The following EFL1 variants were observed in gnomAD, a reference collection of about 807,000 sequenced individuals.
EFL1 encodes the protein elongation factor-like GTPase 1.
In EFL1, 76 loss-of-function variants were observed where a neutral mutation model predicts 126.7. That is an observed-to-expected ratio of 0.60 (90% CI 0.50 to 0.73). EFL1 has a LOEUF of 0.73. Among genes scored for constraint, EFL1 ranks in the 30% least tolerant of loss-of-function variants. The probability of loss-of-function intolerance (pLI) is 0.00; values close to 1 mark genes in which losing one functional copy is unlikely to be tolerated. For synonymous variants in EFL1, 410 were observed against 448.4 expected (o/e 0.91, Z 1.08); for missense variants, 1,128 against 1,343.2 (o/e 0.84, Z 2.50).
intron 12 of EFL1, 78 bp downstream of exon 12, chr15:82,225,087 C>A (rs1000640871): frequency 1.3e-5 from 15 of 1,123,582 alleles, no homozygotes; most frequent in African/African-American, 1.3e-4. Context: ...TCCGTGCCCC[C>A]CCTACCCACA....
intron 7 of EFL1, among the ~76,000 whole-genome samples, chr15:82,237,155 AAAAC>A (rs1285618490): frequency 1.3e-5 from 2 of 152,214 alleles, no homozygotes; most frequent in Non-Finnish European, 2.9e-5. Flanking sequence ...AAAACAAAAC[AAAAC>A]AAACAAAACA....
At chr15:82,215,505 T>C (rs1720960155) in intron 14 of EFL1, 1 of 152,134 alleles carries the variant, frequency 6.6e-6, no homozygotes, top group South Asian at 2.1e-4. Flanking sequence ...TCCCCATACA[T>C]CATATTTATT....
chr15:82,262,248 G>A (rs916899342), intron 1 of EFL1: 1 of 156,622 alleles, frequency 6.4e-6, no homozygotes, highest in Non-Finnish European at 1.4e-5. Flanking sequence ...CCTCGCGCGA[G>A]GTCAAATACC....
At chr15:82,228,372 T>C (rs2074786619) in intron 9 of EFL1, 45 bp from the exon 10 acceptor site, 1 of 1,580,202 alleles carries the variant, frequency 6.3e-7, no homozygotes, top group Non-Finnish European at 8.6e-7. Context: ...CATATGCAGA[T>C]ATAAACAGGC....
chr15:82,219,096 A>T (rs998179278), intron 14 of EFL1, among the ~76,000 whole-genome samples: 1 of 152,172 alleles, frequency 6.6e-6, no homozygotes, highest in African/African-American at 2.4e-5. Context: ...TATAATTATA[A>T]TGTATATATC....
intron 7 of EFL1, among the ~76,000 whole-genome samples, chr15:82,232,610 T>C (rs955591776): frequency 6.6e-6 from 1 of 152,238 alleles, no homozygotes; most frequent in South Asian, 2.1e-4. Flanking sequence ...ATGATCCTTA[T>C]GCCATAATTC....
At chr15:82,188,065 C>G (rs2074320831) in intron 15 of EFL1, among the ~76,000 whole-genome samples, 1 of 152,098 alleles carries the variant, frequency 6.6e-6, no homozygotes, top group African/African-American at 2.4e-5. Context: ...AAATATAACT[C>G]TTTGTCCTGT....
intron 12 of EFL1, among the ~76,000 whole-genome samples, chr15:82,223,856 TC>T (rs2074735777): frequency 6.6e-6 from 1 of 152,178 alleles, no homozygotes; most frequent in Non-Finnish European, 1.5e-5. Flanking sequence ...GACCTGTTAT[TC>T]CCCCATTTGG....
intron 19 of EFL1, among the ~76,000 whole-genome samples, chr15:82,134,021 C>T (rs1010657569): frequency 1.1e-4 from 17 of 152,294 alleles, no homozygotes; most frequent in African/African-American, 3.6e-4. Flanking sequence ...TGCCAGTTCC[C>T]TACTTGCTTA....
chr15:82,241,323 T>C lies in EFL1; in HGVS notation c.325A>G (p.Ile109Val), dbSNP rs768978577. 6 of 1,613,848 alleles carry C rather than the reference T, an allele frequency of 3.7e-6. No homozygotes were observed. The African/African-American group carries it at 6.7e-5, about 18-fold the overall frequency. ...FSSEVSTAVR[I>V]CDGCIIVVDA... is the part of the protein sequence containing the mutation. ...ACCACAATGATGCATCCATCACAAATGCGAACAGCGGTTGATACTTCTGAG... is the reference window on the plus strand; with the variant it reads ...ACCACAATGATGCATCCATCACAAACGCGAACAGCGGTTGATACTTCTGAG... Residue 109 changes from isoleucine (I) to valine (V), a missense_variant, in exon 5 of 20, where the codon ATT (isoleucine) becomes GTT (valine). Ile to Val is a conservative substitution (Grantham distance 29). Coordinates refer to ENST00000268206, the MANE Select transcript of EFL1 (RefSeq NM_024580.6).
intron 7 of EFL1, among the ~76,000 whole-genome samples, chr15:82,233,464 C>A (rs1417050871): frequency 6.6e-6 from 1 of 152,166 alleles, no homozygotes; most frequent in Non-Finnish European, 1.5e-5. Flanking sequence ...TATGAAATTA[C>A]TGAGCCACAC....
At chr15:82,187,625 T>C (rs550128167) in intron 15 of EFL1, among the ~76,000 whole-genome samples, 96 of 152,296 alleles carry the variant, frequency 6.3e-4, no homozygotes, top group African/African-American at 2.1e-3. Context: ...ATTGTTTGTA[T>C]TATTTAAATA....
At chr15:82,138,953 C>T in intron 18 of EFL1, 111 bp from the exon 19 acceptor site, 3 of 1,019,294 alleles carry the variant, frequency 2.9e-6, no homozygotes, top group East Asian at 2.7e-5. Context: ...TAAATTTGTT[C>T]TCAATAATGT....
chr15:82,189,195 C>G (rs1280785889), intron 15 of EFL1, among the ~76,000 whole-genome samples: 1 of 152,100 alleles, frequency 6.6e-6, no homozygotes, highest in Non-Finnish European at 1.5e-5. Flanking sequence ...TGTATCTAAA[C>G]ACAGAAAAGT....
chr15:82,234,275 G>A (rs2867634), intron 7 of EFL1, among the ~76,000 whole-genome samples: 4 of 151,914 alleles, frequency 2.6e-5, no homozygotes, highest in Non-Finnish European at 5.9e-5. Context: ...AAGTACGACC[G>A]TATTATATGA....
At chr15:82,151,004 C>G (rs1226114856) in intron 18 of EFL1, among the ~76,000 whole-genome samples, 1 of 152,142 alleles carries the variant, frequency 6.6e-6, no homozygotes, top group Non-Finnish European at 1.5e-5. Flanking sequence ...GATTTTAATA[C>G]TTAAGATATC....
chr15:82,201,064 C>T (rs139498261), intron 15 of EFL1, among the ~76,000 whole-genome samples: 1 of 152,258 alleles, frequency 6.6e-6, no homozygotes, highest in East Asian at 1.9e-4. Context: ...TTTGTAGAAA[C>T]GGGGTCCCAC....
chr15:82,166,165 C>G (rs2074077906), intron 15 of EFL1, among the ~76,000 whole-genome samples: 1 of 152,186 alleles, frequency 6.6e-6, no homozygotes, highest in Non-Finnish European at 1.5e-5. Flanking sequence ...CATTTCCTTC[C>G]TACACACACA....
intron 18 of EFL1, among the ~76,000 whole-genome samples, chr15:82,140,371 T>C (rs1473410852): frequency 6.6e-6 from 1 of 152,192 alleles, no homozygotes; most frequent in Non-Finnish European, 1.5e-5. Context: ...TTCTCTGTGG[T>C]ATTTGAAGCT....
Sources: allele counts gnomAD v4.1 joint callset (sites outside exome capture counted in the v4.1 genomes callset), GRCh38; gene constraint gnomAD v4.1.1; transcripts MANE v1.5; gene names NCBI Gene and HGNC (gene_info 2026-07-23, HGNC 2026-07-21).